Variants in CHODL observed in about 807,000 individuals in gnomAD.
The protein encoded by CHODL is transmembrane protein MT75.
CHODL carries 29 observed loss-of-function variants against 34.5 expected under a neutral mutation model. The observed-to-expected ratio is 0.84, with a 90% CI of 0.63 to 1.15. CHODL has a LOEUF of 1.15. CHODL is among the 50% of genes most tolerant of loss of function. The pLI, the probability that CHODL is intolerant of heterozygous loss-of-function variation, is 0.00. For missense variants in CHODL, 332 were observed against 332.5 expected (o/e 1.00, Z 0.01); for synonymous variants, 125 against 116.1 (o/e 1.08, Z -0.49).
intron 2 of CHODL, among the ~76,000 whole-genome samples, chr21:18,193,989 G>A (rs1482713180): frequency 6.6e-6 from 1 of 151,920 alleles, no homozygotes; most frequent in Non-Finnish European, 1.5e-5. Context: ...CTGCCATTTA[G>A]TAGAGCAAGT....
At chr21:18,231,596 C>A (rs2073979368) in intron 2 of CHODL, among the ~76,000 whole-genome samples, 2 of 152,212 alleles carry the variant, frequency 1.3e-5, no homozygotes, top group Middle Eastern at 6.8e-3. Context: ...AAAAGAGTAT[C>A]TGATACATAC....
chr21:17,960,184 A>G (rs1327592003), intron 1 of CHODL, among the ~76,000 whole-genome samples: 1 of 152,180 alleles, frequency 6.6e-6, no homozygotes, highest in East Asian at 1.9e-4. Flanking sequence ...AAAACCCTGC[A>G]CACACTTGGT....
chr21:17,954,261 A>G (rs895371609), intron 1 of CHODL, among the ~76,000 whole-genome samples: 4 of 152,228 alleles, frequency 2.6e-5, no homozygotes, highest in African/African-American at 9.6e-5. Context: ...TTCAAAATAC[A>G]CGATGTAAAA....
At chr21:17,963,154 A>T (rs1293719257) in intron 1 of CHODL, among the ~76,000 whole-genome samples, 3 of 152,092 alleles carry the variant, frequency 2.0e-5, no homozygotes, top group Non-Finnish European at 4.4e-5. Flanking sequence ...CAGTGAAAAA[A>T]GTTTTCTTCA....
At chr21:18,163,841 C>G (rs1313429256) in intron 2 of CHODL, among the ~76,000 whole-genome samples, 1 of 152,068 alleles carries the variant, frequency 6.6e-6, no homozygotes, top group African/African-American at 2.4e-5. Context: ...CAAAACTTAG[C>G]AAGAGTACTG....
intron 1 of CHODL, among the ~76,000 whole-genome samples, chr21:18,005,604 G>A (rs4355196): frequency 0.014 from 2,101 of 152,298 alleles, 21 homozygotes; most frequent in Non-Finnish European, 0.024. Context: ...GACATTCTCA[G>A]ATCATAAACA....
intron 1 of CHODL, among the ~76,000 whole-genome samples, chr21:17,974,546 A>G (rs982732541): frequency 2.6e-5 from 4 of 152,186 alleles, no homozygotes; most frequent in Admixed American, 2.6e-4. Flanking sequence ...CTGCGAGTAC[A>G]AGCGTGAACC....
chr21:18,232,076 G>T (rs1158989061), intron 2 of CHODL, among the ~76,000 whole-genome samples: 1 of 151,988 alleles, frequency 6.6e-6, no homozygotes, highest in Non-Finnish European at 1.5e-5. Context: ...GACACATGCT[G>T]TCTTCAACAT....
At chr21:18,256,896 G>C (rs1257689937) in intron 2 of CHODL, 74 bp from the exon 3 acceptor site, 2 of 1,580,736 alleles carry the variant, frequency 1.3e-6, no homozygotes, top group African/African-American at 2.7e-5. Flanking sequence ...TACCTGTAGA[G>C]GATGTCAGAG....
intron 2 of CHODL, among the ~76,000 whole-genome samples, chr21:18,121,971 T>C (rs2146578396): frequency 6.6e-6 from 1 of 152,308 alleles, no homozygotes; most frequent in South Asian, 2.1e-4. Context: ...CCAGGCACTT[T>C]GTAAATGCTC....
chr21:18,088,463 G>C (rs994921998), intron 2 of CHODL, among the ~76,000 whole-genome samples: 8 of 152,142 alleles, frequency 5.3e-5, no homozygotes, highest in Non-Finnish European at 1.2e-4. Context: ...TCCCTTTCTG[G>C]AGCAACATCT....
chr21:18,098,310 T>C (rs569687255), intron 2 of CHODL, among the ~76,000 whole-genome samples: 4 of 151,824 alleles, frequency 2.6e-5, no homozygotes, highest in African/African-American at 7.3e-5. Flanking sequence ...AGACTACCCA[T>C]ATGATAAGGA....
At chr21:17,932,539 A>G (rs1287945284) in intron 1 of CHODL, among the ~76,000 whole-genome samples, 1 of 152,228 alleles carries the variant, frequency 6.6e-6, no homozygotes, top group South Asian at 2.1e-4. Flanking sequence ...CACAATAGCA[A>G]AGTCGTGAAA....
chr21:17,953,489 A>C (rs1461402315), intron 1 of CHODL, among the ~76,000 whole-genome samples: 1 of 151,996 alleles, frequency 6.6e-6, no homozygotes, highest in East Asian at 1.9e-4. Context: ...AAAATAATAA[A>C]AATTCAATTG....
intron 1 of CHODL, among the ~76,000 whole-genome samples, chr21:18,008,078 A>T (rs2063976981): frequency 6.6e-6 from 1 of 152,146 alleles, no homozygotes; most frequent in South Asian, 2.1e-4. Context: ...GCTAGAAGTA[A>T]AATGTGTTAA....
At chr21:17,975,769 C>T (rs1381471062) in intron 1 of CHODL, among the ~76,000 whole-genome samples, 3 of 152,100 alleles carry the variant, frequency 2.0e-5, no homozygotes, top group African/African-American at 4.8e-5. Flanking sequence ...TCATGTCTCC[C>T]CACCCCTGCC....
chr21:18,089,476 T>A (rs2065045960), intron 2 of CHODL, among the ~76,000 whole-genome samples: 1 of 152,194 alleles, frequency 6.6e-6, no homozygotes. Context: ...AGCCAAGGAA[T>A]AATTTATCTC....
intron 4 of CHODL, among the ~76,000 whole-genome samples, chr21:18,262,156 T>C (rs563576904): frequency 6.6e-6 from 1 of 152,292 alleles, no homozygotes; most frequent in South Asian, 2.1e-4. Flanking sequence ...TTTGGAAGTA[T>C]GGATATCAAA....
At position 18,183,944 on chromosome 21, in the gene CHODL, C is replaced by T. The variant is rs993393559; in HGVS notation, c.-44-72565C>T. Among the ~76,000 whole-genome samples the T allele has an allele frequency of 1.3e-5, 2 of 152,064 alleles. 1 individual carries two copies. The highest frequency in any genetic ancestry group is 3.9e-4 in the East Asian group (2 of 5,188). On this transcript the variant is annotated intron_variant, in intron 2 of 6. Transcript: ENST00000400127. Reference sequence around the variant, plus strand: ...TTGTTTTTTAGCCTGAAAACACATTCCCCATGACTTTTTTCTTTTTTTAAA... The same window carrying T: ...TTGTTTTTTAGCCTGAAAACACATTTCCCATGACTTTTTTCTTTTTTTAAA...
Sources: gnomAD v4.1 joint callset for allele counts (sites outside exome capture counted in the v4.1 genomes callset) on GRCh38, gnomAD v4.1.1 for gene constraint, MANE v1.5 for transcripts, NCBI Gene and HGNC (gene_info 2026-07-23, HGNC 2026-07-21) for gene names.